DCLRE1B: variants seen among roughly 807,000 people sequenced by gnomAD.
DCLRE1B encodes the protein DNA cross-link repair 1B, also known as 5' exonuclease Apollo.
A neutral mutation model predicts 19.8 loss-of-function variants in DCLRE1B; 6 were observed. The ratio of observed to expected loss-of-function variants is 0.30; its 90% CI spans 0.17 to 0.60. The LOEUF is 0.60. Ranked by LOEUF, DCLRE1B falls within the 20% of genes least tolerant of loss-of-function variation. The pLI is 0.87. For missense variants in DCLRE1B, 622 were observed against 654.2 expected, an observed-to-expected ratio of 0.95 and a Z score of 0.54; for synonymous variants, 258 against 255.7, an observed-to-expected ratio of 1.01 and a Z score of -0.09.
In DCLRE1B at chr1:113,911,981, T is replaced by C; in HGVS notation, c.1389T>C (p.Asp463=). Residue 463 remains aspartate (D), a synonymous_variant, in exon 4 of 4, where the codon GAT becomes GAC. Transcript: ENST00000650450. ...CCCCCTTGGTACCCATGGGAGATGATGATGGAGGTCCAGAAGCCACAGGGA... is the reference window on the plus strand; with the variant it reads ...CCCCCTTGGTACCCATGGGAGATGACGATGGAGGTCCAGAAGCCACAGGGA... ...LGSPLVPMGD[D]DGGPEATGNQ... 6.2e-7 allele frequency: 1 copy of C among 1,614,146 alleles called. No homozygotes were observed. The highest frequency in any genetic ancestry group is 8.5e-7 in the Non-Finnish European group (1 of 1,180,022).
At position 113,905,545 on chromosome 1, in the gene DCLRE1B, C is replaced by A; in HGVS notation, c.-42C>A. The A allele has an allele frequency of 6.3e-7, 1 of 1,597,612 alleles. No individual in the cohort carries two copies. The highest frequency in any genetic ancestry group is 8.5e-7 in the Non-Finnish European group (1 of 1,169,940). ...TGGAAGCCTCACGCAGGAGCCCTGCCCCCGTGGAGAAGATCCCACTGGTGA... is the reference window on the plus strand; with the variant it reads ...TGGAAGCCTCACGCAGGAGCCCTGCACCCGTGGAGAAGATCCCACTGGTGA... On this transcript the variant is annotated 5_prime_UTR_variant, in exon 1 of 4. Coordinates refer to ENST00000650450, the MANE Select transcript of DCLRE1B (RefSeq NM_022836.4).
At position 113,911,512 on chromosome 1, in the gene DCLRE1B, A is replaced by G; in HGVS notation, c.920A>G (p.Gln307Arg). ...IVSRRPCGGF[Q>R]DSLSPRISVP... ...AGTCGGCGGCCCTGTGGAGGCTTTC[A>G]GGACAGTCTGAGCCCCAGGATCTCC... Residue 307 changes from glutamine to arginine, a missense_variant, in exon 4 of 4, where the codon CAG (glutamine) becomes CGG (arginine). By Grantham distance (43) the Gln-to-Arg change is conservative. Around this residue, in one of 3 missense-constraint regions of DCLRE1B, gnomAD observed 382 missense variants for 412.5 expected, o/e 0.93. Transcript: ENST00000650450. 6.2e-7 allele frequency: 1 copy of G among 1,614,142 alleles called. No individual in the cohort carries two copies. Among genetic ancestry groups the G allele is most frequent in the Non-Finnish European group, 8.5e-7 (1 of 1,180,010 alleles).
intron 2 of DCLRE1B, 40 bp downstream of exon 2, chr1:113,907,201 GATGTTTTTTT>G: frequency 4.1e-6 from 1 of 245,262 alleles, no homozygotes. Flanking sequence ...CTCCAGACTA[GATGTTTTTTT>G]TTTTTTTTTT....
In DCLRE1B at chr1:113,906,984, C is replaced by T. The variant is rs1156295616; in HGVS notation, c.190-12C>T. ...AGTCAGTGGTCACTGGGATGACTAA[C>T]TGTTTTCTCAGGTATCTAAGCAATG... On this transcript the variant is annotated splice_polypyrimidine_tract_variant and intron_variant, in intron 1 of 3. Transcript: ENST00000650450. The T allele has an allele frequency of 1.2e-6, 2 of 1,613,544 alleles. No individual in the cohort carries two copies. Among genetic ancestry groups the T allele is most frequent in the Non-Finnish European group, 1.7e-6 (2 of 1,179,760 alleles).
At chr1:113,907,368 G>C (rs563211648) in intron 2 of DCLRE1B, among the ~76,000 whole-genome samples, 7 of 151,852 alleles carry the variant, frequency 4.6e-5, no homozygotes, top group African/African-American at 1.7e-4. Flanking sequence ...GACTTTTCTT[G>C]AGCAGCCTTA....
At chr1:113,905,055 C>A (rs978145501), upstream of DCLRE1B, 3 of 395,996 alleles carry the variant, frequency 7.6e-6, no homozygotes, top group Non-Finnish European at 1.4e-5. Flanking sequence ...CTCTCCAGTT[C>A]CAGCCTTAAT....
upstream of DCLRE1B, chr1:113,905,195 C>A (rs189372881): frequency 6.9e-5 from 23 of 335,046 alleles, no homozygotes; most frequent in East Asian, 1.8e-3. Context: ...AGCGTAGTCC[C>A]GACTCCGACC....
rs749545827 is a variant in DCLRE1B, at chr1:113,912,433, C to T, written c.*242C>T. 1.9e-4 allele frequency: 76 copies of T among 395,042 alleles called. No homozygotes were observed. Among genetic ancestry groups the T allele is most frequent in the Non-Finnish European group, 3.1e-4 (68 of 222,184 alleles). 24.5% of individuals were successfully genotyped at this position (395,042 alleles called of 1,614,324 possible). On this transcript the variant is annotated 3_prime_UTR_variant, in exon 4 of 4. Coordinates refer to ENST00000650450, the MANE Select transcript of DCLRE1B (RefSeq NM_022836.4). ...TTTTTTATAAAATCTTTGGAGTATG[C>T]GTGAGCAAATTAAAAGTTCTTTGAA...
rs1668844820 is a variant in DCLRE1B, at chr1:113,905,329, T to G, written c.-258T>G. On this transcript the variant is annotated 5_prime_UTR_variant, in exon 1 of 4. Coordinates refer to ENST00000650450, the MANE Select transcript of DCLRE1B (RefSeq NM_022836.4). ...CTGTCTCCTCCCTGCAGCGCGCGCT[T>G]TGAGTGCCCGGCTCGGCCTCCGCTC... The G allele has an allele frequency of 1.4e-5, 7 of 489,532 alleles. No individual in the cohort carries two copies. The highest frequency in any genetic ancestry group is 3.8e-5 in the East Asian group (1 of 26,482). The allele number at this position is 489,532 out of a possible 1,614,324, so 30.3% of individuals were successfully genotyped here. A position where few individuals can be genotyped will look rare whatever the true frequency, so the allele number is the denominator to read the frequency against.
intron 1 of DCLRE1B, among the ~76,000 whole-genome samples, chr1:113,906,749 T>C (rs1214226722): frequency 6.6e-6 from 1 of 152,068 alleles, no homozygotes; most frequent in Non-Finnish European, 1.5e-5. Context: ...CGCCTCAGCC[T>C]CCCAAAGTGC....
At chr1:113,905,304 C>T (rs1355918157), upstream of DCLRE1B, 2 of 448,278 alleles carry the variant, frequency 4.5e-6, no homozygotes, top group Non-Finnish European at 8.0e-6. Flanking sequence ...CTACTTTGGC[C>T]TGTCTCCTCC....
At chr1:113,908,268 A>T (rs578183342) in intron 3 of DCLRE1B, 77 bp downstream of exon 3, 1 of 1,537,164 alleles carries the variant, frequency 6.5e-7, no homozygotes, top group African/African-American at 1.4e-5. Context: ...CATCTTTCAG[A>T]TCTTTGTGCA....
chr1:113,912,413 T>A lies in DCLRE1B; in HGVS notation c.*222T>A, dbSNP rs115273633. On this transcript the variant is annotated 3_prime_UTR_variant, in exon 4 of 4. Transcript: ENST00000650450. ...AACTAAGTTTAAGAAATACTTTTTT[T>A]ATAAAATCTTTGGAGTATGCGTGAG... 1.4e-3 allele frequency: 662 copies of A among 468,810 alleles called. 3 individuals are homozygous for A. The highest frequency in any genetic ancestry group is 0.012 in the African/African-American group (590 of 50,944). 29.0% of individuals were successfully genotyped at this position (468,810 alleles called of 1,614,324 possible). A position where few individuals can be genotyped will look rare whatever the true frequency, so the allele number is the denominator to read the frequency against.
In DCLRE1B at chr1:113,908,071, C is replaced by T. The variant is rs1669106652; in HGVS notation, c.418C>T (p.His140Tyr). Residue 140 changes from histidine to tyrosine, a missense_variant, in exon 3 of 4, where the codon CAT becomes TAT. Physicochemically the swap from His to Tyr is moderately conservative, Grantham distance 83. Coordinates refer to ENST00000650450, the MANE Select transcript of DCLRE1B (RefSeq NM_022836.4). Reference sequence around the variant, plus strand: ...AGCCCTGACACTGGGGAAACAGATCCATACTTTATACCTAGACAACACCAA... The same window carrying T: ...AGCCCTGACACTGGGGAAACAGATCTATACTTTATACCTAGACAACACCAA... ...EPALTLGKQIHTLYLDNTNCN... is the reference protein window; with the variant it reads ...EPALTLGKQIYTLYLDNTNCN... 1 of 1,614,040 alleles carries T rather than the reference C, an allele frequency of 6.2e-7. No homozygotes were observed. Among genetic ancestry groups the T allele is most frequent in the African/African-American group, 1.3e-5 (1 of 74,918 alleles).
At chr1:113,904,686 T>G (rs1016308593), upstream of DCLRE1B, 4 of 1,612,580 alleles carry the variant, frequency 2.5e-6, no homozygotes, top group African/African-American at 5.3e-5. Flanking sequence ...CTTCAGCTCC[T>G]TCACCACGTC....
Position 113,911,745 on chromosome 1 carries a change from C to A in DCLRE1B, c.1153C>A (p.Leu385Ile). The A allele has an allele frequency of 6.2e-7, 1 of 1,614,180 alleles. No individual in the cohort carries two copies. The highest frequency in any genetic ancestry group is 8.5e-7 in the Non-Finnish European group (1 of 1,180,036). ...KEKLSPWPAD[L>I]EKQPSHHPLR... is the part of the protein sequence containing the mutation. ...GAAACTTTCTCCCTGGCCTGCGGAC[C>A]TTGAAAAGCAGCCTTCCCACCATCC... is the stretch of plus-strand genomic sequence containing the variant. Residue 385 changes from leucine to isoleucine, a missense_variant, in exon 4 of 4, where the codon CTT becomes ATT. Physicochemically the swap from Leu to Ile is conservative, Grantham distance 5. This residue lies in a region of DCLRE1B where 382 missense variants were observed against 412.5 expected (regional missense o/e 0.93). Coordinates refer to ENST00000650450, the MANE Select transcript of DCLRE1B (RefSeq NM_022836.4).
chr1:113,904,703 G>A (rs1319059477), upstream of DCLRE1B: 4 of 1,612,238 alleles, frequency 2.5e-6, no homozygotes, highest in Middle Eastern at 2.2e-4. Flanking sequence ...CGTCCTCGGA[G>A]CCAAGGTACG....
Position 113,911,724 on chromosome 1 carries a change from C to A in DCLRE1B, c.1132C>A (p.Leu378Ile). 6.2e-7 allele frequency: 1 copy of A among 1,614,156 alleles called. No individual in the cohort carries two copies. The highest frequency in any genetic ancestry group is 1.1e-5 in the South Asian group (1 of 91,086). The change falls in exon 4 of 4, where the codon CTT (leucine) becomes ATT (isoleucine). Residue 378 changes from leucine to isoleucine, a missense_variant. Around this residue, in one of 3 missense-constraint regions of DCLRE1B, gnomAD observed 382 missense variants for 412.5 expected, o/e 0.93. Transcript: ENST00000650450. The stretch of plus-strand genomic sequence containing the variant: ...CTCAAAGAAGGCCAAGAAAGAGAAA[C>A]TTTCTCCCTGGCCTGCGGACCTTGA... ...RDSKKAKKEK[L>I]SPWPADLEKQ... is the part of the protein sequence containing the mutation.
intron 2 of DCLRE1B, 23 bp from the exon 3 acceptor site, chr1:113,907,986 C>T (rs1669102528): frequency 3.1e-6 from 5 of 1,600,420 alleles, no homozygotes; most frequent in Middle Eastern, 1.7e-4. Context: ...TGACCTTCTG[C>T]CCCCATGTAC....
Sources: gnomAD v4.1 joint callset for allele counts (sites outside exome capture counted in the v4.1 genomes callset) on GRCh38, gnomAD v4.1.1 for gene constraint, gnomAD v4.1.1 regional missense constraint, MANE v1.5 for transcripts, NCBI Gene and HGNC (gene_info 2026-07-23, HGNC 2026-07-21) for gene names.